CFAP92: variants seen among roughly 807,000 people sequenced by gnomAD.
CFAP92 encodes the protein cilia and flagella associated protein 92 (putative).
CFAP92 carries 86 observed loss-of-function variants against 106.3 expected under a neutral mutation model. The observed-to-expected ratio is 0.81, with a 90% CI of 0.68 to 0.97. The LOEUF (loss-of-function observed/expected upper bound fraction) is 0.97, where lower values mean the gene tolerates loss of function less well. Ranked by LOEUF, CFAP92 falls within the 50% of genes least tolerant of loss-of-function variation. The pLI is 0.00. For synonymous variants in CFAP92, 477 were observed against 506.4 expected (o/e 0.94, Z 0.78); for missense variants, 1,204 against 1,283.8 (o/e 0.94, Z 0.95).
intron 10 of CFAP92, among the ~76,000 whole-genome samples, chr3:128,940,799 GTA>G (rs1299882341): frequency 2.0e-5 from 3 of 151,612 alleles, no homozygotes; most frequent in African/African-American, 7.3e-5. Flanking sequence ...TTATTCAAGG[GTA>G]TCTTCTTTAA....
chr3:128,933,311 G>A (rs899367632), intron 11 of CFAP92, among the ~76,000 whole-genome samples: 7 of 152,212 alleles, frequency 4.6e-5, no homozygotes, highest in Admixed American at 3.3e-4. Context: ...CCCACCAGCT[G>A]CCCATCAGGG....
chr3:128,937,627 G>C (rs923253163), intron 10 of CFAP92, among the ~76,000 whole-genome samples: 1 of 151,508 alleles, frequency 6.6e-6, no homozygotes, highest in African/African-American at 2.4e-5. Context: ...GATTTTTCTG[G>C]TGAAATCTGA....
rs1162371971 is a variant in CFAP92 at position 129,002,273 on chromosome 3, G to A, written n.117+301C>T. 3.3e-6 allele frequency: 5 copies of A among 1,530,534 alleles called. No homozygotes were observed. The South Asian group carries it at 6.0e-5, about 18-fold the overall frequency. 94.8% of individuals were successfully genotyped at this position (1,530,534 alleles called of 1,614,324 possible). On this transcript the variant is annotated intron_variant and non_coding_transcript_variant, in intron 1 of 4. Coordinates refer to the CFAP92 transcript ENST00000510149. ...ATAGCAGCTTGCGCGAGTTGGTGGA[G>A]GACCTGCGCGCCGCGCTGCAGAGCA...
chr3:128,979,326 G>C (rs1943367900), intron 4 of CFAP92, among the ~76,000 whole-genome samples: 1 of 152,206 alleles, frequency 6.6e-6, no homozygotes, highest in South Asian at 2.1e-4. Flanking sequence ...GGAGAAATAG[G>C]AACACTTTTA....
In CFAP92 at chr3:128,984,531, G is replaced by T. The variant is rs550193676; in HGVS notation, c.667+3085C>A. Among the ~76,000 whole-genome samples the T allele has an allele frequency of 2.6e-5, 4 of 152,278 alleles. No individual in the cohort carries two copies. The East Asian group carries it at 5.8e-4, about 22-fold the overall frequency. Reference sequence around the variant, plus strand: ...ACCTACACCAGTGGTTTGCCGGGGGGCTCTCAGGCCTTCGGTCACAGACTG... The same window carrying T: ...ACCTACACCAGTGGTTTGCCGGGGGTCTCTCAGGCCTTCGGTCACAGACTG... On this transcript the variant is annotated intron_variant, in intron 4 of 15. Transcript: ENST00000645291.
chr3:128,948,798 G>GCCA (rs1576479671), intron 9 of CFAP92, among the ~76,000 whole-genome samples: 1 of 142,802 alleles, frequency 7.0e-6, no homozygotes, highest in East Asian at 2.1e-4. Flanking sequence ...CCAAAGTGTT[G>GCCA]GGATTACAGG....
chr3:129,014,298 G>A, the CFAP92 span, among the ~76,000 whole-genome samples: 3 of 152,182 alleles, frequency 2.0e-5, no homozygotes, highest in East Asian at 1.9e-4. The surrounding 1 kb of genome is among the most constrained non-coding windows in gnomAD (Gnocchi z 4.3). Flanking sequence ...GAGTCAGCTC[G>A]GGCTGCTGTG....
At chr3:128,940,317 A>T (rs780461053) in intron 10 of CFAP92, among the ~76,000 whole-genome samples, 1 of 152,232 alleles carries the variant, frequency 6.6e-6, no homozygotes, top group Non-Finnish European at 1.5e-5. Context: ...TAGTGTGGAT[A>T]CATGTTTTCA....
At chr3:128,964,253 A>G (rs1942188667) in intron 9 of CFAP92, among the ~76,000 whole-genome samples, 2 of 152,194 alleles carry the variant, frequency 1.3e-5, no homozygotes, top group Non-Finnish European at 2.9e-5. Context: ...ACCAACTTAA[A>G]AAGGACTGGA....
chr3:129,008,844 C>T, the CFAP92 span, among the ~76,000 whole-genome samples: 1 of 152,158 alleles, frequency 6.6e-6, no homozygotes, highest in Non-Finnish European at 1.5e-5. Context: ...GCTCCTGGTC[C>T]CCTCGCAGCC....
chr3:129,016,838 C>G, the CFAP92 span, among the ~76,000 whole-genome samples: 2 of 152,144 alleles, frequency 1.3e-5, no homozygotes, highest in East Asian at 3.9e-4. Flanking sequence ...TTATTGCACT[C>G]CCAAGCAGTG....
chr3:129,002,192 G>T (rs1944814230), intron 1 of CFAP92: 5 of 1,505,518 alleles, frequency 3.3e-6, no homozygotes, highest in African/African-American at 2.9e-5. Flanking sequence ...CGCCCTGCGC[G>T]CCTGGCCCCG....
chr3:129,018,004 C>G, the CFAP92 span, among the ~76,000 whole-genome samples: 7 of 152,192 alleles, frequency 4.6e-5, no homozygotes, highest in Non-Finnish European at 8.8e-5. Flanking sequence ...AAGAAAATAA[C>G]AGCCCTCCCT....
chr3:128,996,692 T>C (rs35076317), upstream of CFAP92, among the ~76,000 whole-genome samples: 47,684 of 152,232 alleles, frequency 0.31, 7,699 homozygotes, highest in East Asian at 0.56. Flanking sequence ...CACCACTCCA[T>C]GCATCAGCTG....
chr3:128,987,468 T>C (rs1234276683), intron 4 of CFAP92, 148 bp downstream of exon 4: 2 of 668,452 alleles, frequency 3.0e-6, no homozygotes, highest in African/African-American at 3.6e-5. Context: ...CACCACAGCA[T>C]GGCCTGGTGG....
chr3:128,935,089 G>A lies in CFAP92; in HGVS notation c.2453+36C>T, dbSNP rs982560276. The A allele has an allele frequency of 2.5e-5, 36 of 1,460,134 alleles. No individual in the cohort carries two copies. The East Asian group carries it at 4.0e-4, about 16-fold the overall frequency. The allele number at this position is 1,460,134 out of a possible 1,614,324, so 90.4% of individuals were successfully genotyped here. A position where few individuals can be genotyped will look rare whatever the true frequency, so the allele number is the denominator to read the frequency against. On this transcript the variant is annotated intron_variant, in intron 11 of 15. Transcript: ENST00000645291. Reference sequence around the variant, plus strand: ...AGTGTTAAGAAGTGCCCCTCCCGCCGGGGCGCAGGACCACATGCGAGCTGC... The same window carrying A: ...AGTGTTAAGAAGTGCCCCTCCCGCCAGGGCGCAGGACCACATGCGAGCTGC...
At position 128,988,807 on chromosome 3, in the gene CFAP92, G is replaced by C; in HGVS notation, c.374C>G (p.Pro125Arg). 1.2e-6 allele frequency: 2 copies of C among 1,613,662 alleles called. No individual in the cohort carries two copies. Among genetic ancestry groups the C allele is most frequent in the Non-Finnish European group, 1.7e-6 (2 of 1,179,882 alleles). The change falls in exon 3 of 16, where the codon CCG (proline) becomes CGG (arginine). Residue 125 changes from proline (P) to arginine (R), a missense_variant. Transcript: ENST00000645291. ...AACTTTTTTAGGTTCTTCATCGTCC[G>C]GCAGAAGGAAATACTCAATGTGGTA... Reference protein sequence around the residue: ...RFYHIEYFLLPDDEEPKKVDI... With the variant: ...RFYHIEYFLLRDDEEPKKVDI...
At chr3:129,003,604 G>GGATGTGGC (rs1249078164), upstream of CFAP92, among the ~76,000 whole-genome samples, 1 of 152,200 alleles carries the variant, frequency 6.6e-6, no homozygotes, top group Non-Finnish European at 1.5e-5. Flanking sequence ...GCCTCCCTGG[G>GGATGTGGC]GATGTGGCGA....
chr3:128,929,429 C>T (rs1938083938), intron 12 of CFAP92, among the ~76,000 whole-genome samples: 1 of 152,072 alleles, frequency 6.6e-6, no homozygotes, highest in Admixed American at 6.6e-5. Flanking sequence ...CTAGGTTCTA[C>T]CCAAGAGAAA....
Sources: gnomAD v4.1 joint callset for allele counts (sites outside exome capture counted in the v4.1 genomes callset) on GRCh38, gnomAD v4.1.1 for gene constraint, Gnocchi (gnomAD v3.1) non-coding constraint, MANE v1.5 for transcripts, NCBI Gene and HGNC (gene_info 2026-07-23, HGNC 2026-07-21) for gene names.